The following CYTH4 variants were observed in gnomAD, a reference collection of about 807,000 sequenced individuals.
CYTH4 encodes the protein cytohesin 4.
In CYTH4, 22 loss-of-function variants were observed where a neutral mutation model predicts 57.5. That is an observed-to-expected ratio of 0.38 (90% CI 0.27 to 0.55). The LOEUF (loss-of-function observed/expected upper bound fraction) is 0.55, where lower values mean the gene tolerates loss of function less well. Among genes scored for constraint, CYTH4 ranks in the 20% least tolerant of loss-of-function variants. The probability of loss-of-function intolerance (pLI) is 0.74; values close to 1 mark genes in which losing one functional copy is unlikely to be tolerated. For missense variants in CYTH4, 420 were observed against 535.6 expected, an observed-to-expected ratio of 0.78 and a Z score of 2.13; for synonymous variants, 186 against 206.5, an observed-to-expected ratio of 0.90 and a Z score of 0.85.
chr22:37,300,085 A>G, intron 6 of CYTH4: 1 of 717,554 alleles, frequency 1.4e-6, no homozygotes, highest in East Asian at 2.7e-5. Flanking sequence ...TGAAGACTAA[A>G]TGGGAAAGTG....
At position 37,298,513 on chromosome 22, in the gene CYTH4, G is replaced by A. The variant is rs922026565; in HGVS notation, c.354-713G>A. 6.5e-6 allele frequency: 1 copy of A among 154,340 alleles called. No individual in the cohort carries two copies. Among genetic ancestry groups the A allele is most frequent in the Non-Finnish European group, 1.4e-5 (1 of 69,258 alleles). The allele number at this position is 154,340 out of a possible 1,614,324, so 9.6% of individuals were successfully genotyped here. A position where few individuals can be genotyped will look rare whatever the true frequency, so the allele number is the denominator to read the frequency against. On this transcript the variant is annotated intron_variant, in intron 5 of 12. Coordinates refer to ENST00000248901, the MANE Select transcript of CYTH4 (RefSeq NM_013385.5). This position sits in a 1 kb window ranked among gnomAD's most constrained non-coding sequence, Gnocchi z 4.1. Reference sequence around the variant, plus strand: ...TTTGACCAAAACGTAAAAGAGGTGAGGGCATGAGCAGTACAGACATCTGGG... The same window carrying A: ...TTTGACCAAAACGTAAAAGAGGTGAAGGCATGAGCAGTACAGACATCTGGG...
At chr22:37,285,423 T>A (rs766323318) in intron 1 of CYTH4, among the ~76,000 whole-genome samples, 2 of 152,104 alleles carry the variant, frequency 1.3e-5, no homozygotes, top group Non-Finnish European at 2.9e-5. Flanking sequence ...ATTCATCTCC[T>A]GGCCAGGCAT....
chr22:37,291,483 T>C (rs530432298), intron 1 of CYTH4, among the ~76,000 whole-genome samples: 17 of 152,284 alleles, frequency 1.1e-4, no homozygotes, highest in African/African-American at 4.1e-4. Context: ...AACTTGAAGG[T>C]CAGCGAGGAT....
Position 37,311,031 on chromosome 22 carries a change from C to G in CYTH4, c.852C>G (p.Thr284=). The change falls in exon 10 of 13, where the codon ACC becomes ACG. Residue 284 remains threonine (T), a synonymous_variant. Coordinates refer to ENST00000248901, the MANE Select transcript of CYTH4 (RefSeq NM_013385.5). This position sits in a 1 kb window ranked among gnomAD's most constrained non-coding sequence, Gnocchi z 4.4. ...KTWKRRWFIL[T]DNCLYYFEFT... is the part of the protein sequence containing the mutation. ...GGAAACGGCGCTGGTTCATCCTGAC[C>G]GACAACTGCCTCTACTACTTCGAGT... 6.2e-7 allele frequency: 1 copy of G among 1,614,140 alleles called. No homozygotes were observed. Among genetic ancestry groups the G allele is most frequent in the Middle Eastern group, 1.6e-4 (1 of 6,062 alleles).
At position 37,314,385 on chromosome 22, in the gene CYTH4, C is replaced by T. The variant is rs535151349; in HGVS notation, c.*874C>T. On this transcript the variant is annotated 3_prime_UTR_variant, in exon 13 of 13. Coordinates refer to ENST00000248901, the MANE Select transcript of CYTH4 (RefSeq NM_013385.5). ...CCCTCAAGAAAATGACGGAGAACATCCCAGACAGATGGGACTCAAGCAGGA... is the reference window on the plus strand; with the variant it reads ...CCCTCAAGAAAATGACGGAGAACATTCCAGACAGATGGGACTCAAGCAGGA... The T allele has an allele frequency of 9.5e-4, 380 of 398,606 alleles. 1 individual carries two copies. The highest frequency in any genetic ancestry group is 8.4e-4 in the Non-Finnish European group (191 of 226,160). The allele number at this position is 398,606 out of a possible 1,614,324, so 24.7% of individuals were successfully genotyped here.
intron 12 of CYTH4, 91 bp from the exon 13 acceptor site, chr22:37,313,347 TG>T: frequency 7.6e-7 from 1 of 1,313,250 alleles, no homozygotes; most frequent in Non-Finnish European, 1.1e-6. Context: ...GACACCTCCC[TG>T]GGAATCCCAT....
intron 1 of CYTH4, among the ~76,000 whole-genome samples, chr22:37,286,288 C>A (rs984625685): frequency 1.3e-5 from 2 of 152,198 alleles, no homozygotes; most frequent in African/African-American, 4.8e-5. Context: ...AGATGTGAAT[C>A]CCAGCTCTGC....
At chr22:37,286,115 G>A (rs532657780) in intron 1 of CYTH4, among the ~76,000 whole-genome samples, 7 of 152,030 alleles carry the variant, frequency 4.6e-5, no homozygotes, top group Non-Finnish European at 8.8e-5. Flanking sequence ...TTGGGTGGGG[G>A]CAACTGCAGG....
intron 1 of CYTH4, among the ~76,000 whole-genome samples, chr22:37,284,971 C>A (rs935189767): frequency 1.8e-4 from 28 of 152,194 alleles, no homozygotes; most frequent in African/African-American, 5.5e-4. Flanking sequence ...GGGAGGAAGC[C>A]GCACTCCGCA....
intron 12 of CYTH4, 141 bp downstream of exon 12, chr22:37,312,315 G>A (rs558170049): frequency 1.1e-4 from 127 of 1,187,656 alleles, no homozygotes; most frequent in East Asian, 4.7e-4. Context: ...CCTTCCACCC[G>A]TATTCCATGG....
rs540086354 is a variant in CYTH4 at position 37,294,597 on chromosome 22, C to CA, written c.103-60dup. ...GGGGTAGGAGTGGTCCTTGTGGTCT[C>CA]AAACCCCCGGGGTTCTGGCCTCCAC... On this transcript the variant is annotated intron_variant, in intron 2 of 12. Coordinates refer to ENST00000248901, the MANE Select transcript of CYTH4 (RefSeq NM_013385.5). 5.7e-4 allele frequency: 910 copies of CA among 1,596,772 alleles called. 8 individuals carry two copies. In the African/African-American group the frequency reaches 0.01, roughly 18 times the overall value.
intron 9 of CYTH4, 141 bp from the exon 10 acceptor site, chr22:37,310,847 T>C (rs1929610184): frequency 2.7e-6 from 2 of 747,718 alleles, no homozygotes; most frequent in Admixed American, 4.5e-5. Context: ...GGATAGATGT[T>C]GGGGGGAGGT....
intron 1 of CYTH4, among the ~76,000 whole-genome samples, chr22:37,288,001 G>A (rs182392507): frequency 2.6e-5 from 4 of 152,044 alleles, no homozygotes; most frequent in East Asian, 1.9e-4. Context: ...AGAGTGGGCC[G>A]GGCACAGTGG....
intron 9 of CYTH4, 74 bp from the exon 10 acceptor site, chr22:37,310,914 C>G (rs1929614341): frequency 1.3e-6 from 2 of 1,533,230 alleles, no homozygotes; most frequent in Non-Finnish European, 9.0e-7. Context: ...CATCCGAGGA[C>G]CTGCCCTTCC....
At position 37,300,978 on chromosome 22, in the gene CYTH4, C is replaced by T. The variant is rs575894028; in HGVS notation, c.506C>T (p.Thr169Ile). Residue 169 changes from threonine to isoleucine, a missense_variant, in exon 7 of 13, where the codon ACT (threonine) becomes ATT (isoleucine). Transcript: ENST00000248901. ...GACCGGATGATGGAGGCCTTTGCCA[C>T]TCGATACTGCCTCTGCAACCCAGGC... Reference protein sequence around the residue: ...KIDRMMEAFATRYCLCNPGVF... With the variant: ...KIDRMMEAFAIRYCLCNPGVF... 1.4e-5 allele frequency: 23 copies of T among 1,614,110 alleles called. No homozygotes were observed. The highest frequency in any genetic ancestry group is 1.9e-5 in the Non-Finnish European group (23 of 1,180,052).
chr22:37,313,619 A>G lies in CYTH4; in HGVS notation c.*108A>G, dbSNP rs965696619. ...TGCACTCTTTTGGGCCACAGACATC[A>G]TTGCTGTTCCCCGTTACCTCGAGCT... On this transcript the variant is annotated 3_prime_UTR_variant, in exon 13 of 13. Coordinates refer to ENST00000248901, the MANE Select transcript of CYTH4 (RefSeq NM_013385.5). 308 of 1,023,414 alleles carry G rather than the reference A, an allele frequency of 3.0e-4. No individual in the cohort carries two copies. The highest frequency in any genetic ancestry group is 4.0e-4 in the Non-Finnish European group (266 of 664,772). 63.4% of individuals were successfully genotyped at this position (1,023,414 alleles called of 1,614,324 possible).
chr22:37,289,269 G>A (rs1928661675), intron 1 of CYTH4, among the ~76,000 whole-genome samples: 2 of 152,154 alleles, frequency 1.3e-5, no homozygotes, highest in African/African-American at 4.8e-5. Flanking sequence ...AAGAAGTCAA[G>A]CCATTCACCA....
intron 5 of CYTH4, 90 bp downstream of exon 5, chr22:37,297,772 T>C (rs754421102): frequency 1.4e-4 from 167 of 1,155,774 alleles, no homozygotes; most frequent in African/African-American, 4.6e-5. Context: ...GGATGAATTA[T>C]GTTAGCAAAG....
At chr22:37,292,380 G>A in intron 1 of CYTH4, 2 of 513,356 alleles carry the variant, frequency 3.9e-6, no homozygotes, top group Non-Finnish European at 7.0e-6. Flanking sequence ...AAAGATGCAA[G>A]GAAACAGGAT....
Sources: allele counts gnomAD v4.1 joint callset (sites outside exome capture counted in the v4.1 genomes callset), GRCh38; gene constraint gnomAD v4.1.1; non-coding constraint Gnocchi (gnomAD v3.1); transcripts MANE v1.5; gene names NCBI Gene and HGNC (gene_info 2026-07-23, HGNC 2026-07-21).